The following RAB38 variants were observed in gnomAD, a reference collection of about 807,000 sequenced individuals.
The protein encoded by RAB38 is ras-related protein Rab-38.
Under a neutral mutation model 18.4 loss-of-function variants are expected in RAB38, and 15 were observed. The ratio of observed to expected loss-of-function variants is 0.82; its 90% CI spans 0.55 to 1.26. The LOEUF is 1.26. RAB38 is among the 50% of genes most tolerant of loss of function. The pLI is 0.00. For synonymous variants in RAB38, 101 were observed against 104.4 expected (o/e 0.97, Z 0.20); for missense variants, 294 against 267.4 (o/e 1.10, Z -0.69).
the RAB38 span, among the ~76,000 whole-genome samples, chr11:87,843,504 G>T: frequency 6.6e-6 from 1 of 152,136 alleles, no homozygotes; most frequent in East Asian, 1.9e-4. Context: ...AAGGCCAGGG[G>T]GTTGCACCTT....
At chr11:87,824,734 G>A in the RAB38 span, among the ~76,000 whole-genome samples, 3 of 152,140 alleles carry the variant, frequency 2.0e-5, no homozygotes, top group South Asian at 2.1e-4. Flanking sequence ...GGAAAAAATA[G>A]AAGTAAATTG....
chr11:88,138,663 G>A (rs1942863959), intron 2 of RAB38, among the ~76,000 whole-genome samples: 1 of 152,094 alleles, frequency 6.6e-6, no homozygotes, highest in South Asian at 2.1e-4. Context: ...TATAATATGG[G>A]CATAGTAATA....
At chr11:88,119,362 A>G (rs898625280) in intron 2 of RAB38, among the ~76,000 whole-genome samples, 11 of 152,248 alleles carry the variant, frequency 7.2e-5, no homozygotes, top group African/African-American at 2.4e-4. Context: ...ATTTAATTTT[A>G]AAAATAAAGT....
At chr11:87,951,165 C>A in the RAB38 span, among the ~76,000 whole-genome samples, 9 of 152,246 alleles carry the variant, frequency 5.9e-5, no homozygotes, top group African/African-American at 1.9e-4. Context: ...CCCTTTCTTC[C>A]AGTTGATCGC....
chr11:88,127,713 T>C (rs1040671127), intron 2 of RAB38, among the ~76,000 whole-genome samples: 1 of 152,168 alleles, frequency 6.6e-6, no homozygotes, highest in Admixed American at 6.5e-5. Flanking sequence ...TTGGAAACAA[T>C]AGATCTGAAT....
At chr11:87,863,816 C>T in the RAB38 span, among the ~76,000 whole-genome samples, 1 of 151,712 alleles carries the variant, frequency 6.6e-6, no homozygotes, top group Non-Finnish European at 1.5e-5. Flanking sequence ...CTTCACTCGC[C>T]TAAAATCCTT....
chr11:87,905,996 T>TG, the RAB38 span, among the ~76,000 whole-genome samples: 1 of 152,010 alleles, frequency 6.6e-6, no homozygotes, highest in Non-Finnish European at 1.5e-5. Context: ...CCAAGTGCTA[T>TG]GGGTGCCTCA....
chr11:88,079,131 G>C, the RAB38 span, among the ~76,000 whole-genome samples: 2 of 151,736 alleles, frequency 1.3e-5, no homozygotes, highest in East Asian at 3.9e-4. Flanking sequence ...AAAAACAATA[G>C]AGAAAACAAA....
chr11:88,063,746 C>T, the RAB38 span, among the ~76,000 whole-genome samples: 4 of 152,118 alleles, frequency 2.6e-5, no homozygotes, highest in Non-Finnish European at 5.9e-5. Context: ...GGAGAGTTCC[C>T]CAGCACATGC....
the RAB38 span, among the ~76,000 whole-genome samples, chr11:88,038,918 T>C: frequency 8.5e-5 from 13 of 152,360 alleles, no homozygotes; most frequent in South Asian, 8.3e-4. Context: ...ATTTATTTGC[T>C]ATGTGCCAAC....
chr11:87,862,170 G>A, the RAB38 span, among the ~76,000 whole-genome samples: 3 of 151,810 alleles, frequency 2.0e-5, no homozygotes, highest in African/African-American at 7.3e-5. Flanking sequence ...GGTATGTTCA[G>A]AAAGGAATAT....
chr11:87,976,526 A>G, the RAB38 span, among the ~76,000 whole-genome samples: 1 of 546 alleles, frequency 1.8e-3, no homozygotes, highest in Non-Finnish European at 5.0e-3. Context: ...TATTTTATAT[A>G]TATTTTTTAC....
At chr11:87,948,048 G>A in the RAB38 span, among the ~76,000 whole-genome samples, 1 of 152,156 alleles carries the variant, frequency 6.6e-6, no homozygotes, top group South Asian at 2.1e-4. Flanking sequence ...TCTTCCATTT[G>A]TTTGTATCCT....
chr11:87,971,912 G>C, the RAB38 span, among the ~76,000 whole-genome samples: 1 of 110,170 alleles, frequency 9.1e-6, no homozygotes, highest in Non-Finnish European at 1.9e-5. Flanking sequence ...ACTAAAATAT[G>C]TGTAAAAGCG....
the RAB38 span, among the ~76,000 whole-genome samples, chr11:87,808,808 TAAA>T: frequency 7.6e-4 from 115 of 152,138 alleles, no homozygotes; most frequent in African/African-American, 2.7e-3. Context: ...GTTAAAAAGA[TAAA>T]AAATAAAATA....
the RAB38 span, among the ~76,000 whole-genome samples, chr11:87,838,125 T>TTTTTA: frequency 2.0e-5 from 3 of 148,224 alleles, no homozygotes; most frequent in Admixed American, 6.7e-5. Context: ...TTTTATTTTT[T>TTTTTA]TTTTTTTGAG....
the RAB38 span, among the ~76,000 whole-genome samples, chr11:87,876,042 A>C: frequency 6.6e-6 from 1 of 151,592 alleles, no homozygotes; most frequent in Non-Finnish European, 1.5e-5. Context: ...CAAGTGATGA[A>C]GTTAAGAATT....
At chr11:88,145,142 ATC>A (rs959238813) in intron 2 of RAB38, among the ~76,000 whole-genome samples, 18 of 151,052 alleles carry the variant, frequency 1.2e-4, no homozygotes, top group African/African-American at 4.1e-4. Context: ...TACATTATTT[ATC>A]TCTCTTTTTT....
the RAB38 span, among the ~76,000 whole-genome samples, chr11:88,053,550 G>C: frequency 4.5e-4 from 68 of 150,880 alleles, no homozygotes; most frequent in Admixed American, 2.7e-3. Context: ...AGATGAACAT[G>C]AAAGTCATCA....
Sources: allele counts gnomAD v4.1 joint callset (sites outside exome capture counted in the v4.1 genomes callset), GRCh38; gene constraint gnomAD v4.1.1; transcripts MANE v1.5; gene names NCBI Gene and HGNC (gene_info 2026-07-23, HGNC 2026-07-21).